ADTRP: variants seen among roughly 807,000 people sequenced by gnomAD.
ADTRP encodes androgen-dependent TFPI-regulating protein.
Under a neutral mutation model 27.0 loss-of-function variants are expected in ADTRP, and 20 were observed. That is an observed-to-expected ratio of 0.74 (90% CI 0.52 to 1.08). The LOEUF (loss-of-function observed/expected upper bound fraction) is 1.08, where lower values mean the gene tolerates loss of function less well. Among genes scored for constraint, ADTRP ranks in the 50% least tolerant of loss-of-function variants. The pLI, the probability that ADTRP is intolerant of heterozygous loss-of-function variation, is 0.00. For synonymous variants in ADTRP, 101 were observed against 105.2 expected (o/e 0.96, Z 0.25); for missense variants, 251 against 275.0 (o/e 0.91, Z 0.62).
intron 3 of ADTRP, among the ~76,000 whole-genome samples, chr6:11,739,443 A>C (rs149060369): frequency 6.6e-6 from 1 of 152,280 alleles, no homozygotes; most frequent in East Asian, 1.9e-4. Context: ...CTACTCAATT[A>C]TACCTTCCCC....
rs1177560102 is a variant in ADTRP at position 11,723,393 on chromosome 6, G to A, written c.614C>T (p.Ala205Val). 2 of 1,614,160 alleles carry A rather than the reference G, an allele frequency of 1.2e-6. No homozygotes were observed. Among genetic ancestry groups the A allele is most frequent in the Middle Eastern group, 1.6e-4 (1 of 6,062 alleles). The part of the protein sequence containing the change: ...AFFSLSYVFI[A>V]SIYLLGEKLN... ...CTTCTCTCCAAGTAGGTAGATGCTG[G>A]CGATGAAGACGTAGCTGAGAGAGAA... is the stretch of plus-strand genomic sequence containing the variant. Residue 205 changes from alanine (A) to valine (V), a missense_variant, in exon 5 of 6, where the codon GCC becomes GTC. Physicochemically the swap from Ala to Val is moderately conservative, Grantham distance 64. Transcript: ENST00000414691.
intron 3 of ADTRP, among the ~76,000 whole-genome samples, chr6:11,764,312 T>A (rs887266042): frequency 2.0e-5 from 3 of 152,144 alleles, no homozygotes; most frequent in African/African-American, 7.2e-5. Context: ...TTGAAAGAAA[T>A]CCAACTTTAC....
chr6:11,722,438 C>G (rs545057444), intron 5 of ADTRP, among the ~76,000 whole-genome samples: 1 of 152,232 alleles, frequency 6.6e-6, no homozygotes, highest in Non-Finnish European at 1.5e-5. Flanking sequence ...GAAGATGGCA[C>G]TTCTGCCATC....
At chr6:11,715,704 G>T (rs1387115341) in intron 5 of ADTRP, among the ~76,000 whole-genome samples, 1 of 142,714 alleles carries the variant, frequency 7.0e-6, no homozygotes, top group Non-Finnish European at 1.5e-5. Flanking sequence ...GGAATACGGT[G>T]GCACAATCTC....
intron 3 of ADTRP, among the ~76,000 whole-genome samples, chr6:11,750,471 A>G (rs1482767059): frequency 6.6e-6 from 1 of 152,260 alleles, no homozygotes. Flanking sequence ...AATAAACAGC[A>G]TGCACCAGGA....
In ADTRP at chr6:11,778,733, G is replaced by A; in HGVS notation, c.27C>T (p.Tyr9=). ...TATACCAGCTCAGAACAAGGAAGTG[G>A]TATATGCATGTAGAAGTCTTCGTCA... MTKTSTCI[Y]HFLVLSWYTF... Residue 9 remains tyrosine, a synonymous_variant, in exon 1 of 6, where the codon TAC becomes TAT. Transcript: ENST00000414691. 6.2e-7 allele frequency: 1 copy of A among 1,614,212 alleles called. No individual in the cohort carries two copies. The highest frequency in any genetic ancestry group is 2.2e-5 in the East Asian group (1 of 44,892).
In ADTRP at chr6:11,770,216, C is replaced by T; in HGVS notation, c.154-1833G>A. On this transcript the variant is annotated intron_variant, in intron 1 of 5. Transcript: ENST00000414691. ...ACGACCACTTCACAAACCACCGCTG[C>T]CTGGTTCCCACCCCCAGAGATTCTA... 5.0e-6 allele frequency: 4 copies of T among 805,384 alleles called. No individual in the cohort carries two copies. The South Asian group carries it at 6.4e-5, about 13-fold the overall frequency. The allele number at this position is 805,384 out of a possible 1,614,324, so 49.9% of individuals were successfully genotyped here. A position where few individuals can be genotyped will look rare whatever the true frequency, so the allele number is the denominator to read the frequency against.
chr6:11,715,737 CT>C (rs1331540647), intron 5 of ADTRP, among the ~76,000 whole-genome samples: 1 of 142,684 alleles, frequency 7.0e-6, no homozygotes, highest in Non-Finnish European at 1.5e-5. Flanking sequence ...CCTTGAGCTC[CT>C]GGGCTGAAGT....
intron 1 of ADTRP, chr6:11,770,186 A>G: frequency 9.0e-7 from 1 of 1,113,654 alleles, no homozygotes; most frequent in Non-Finnish European, 1.3e-6. Flanking sequence ...CAGGTGGGAG[A>G]ATGAACGACC....
At chr6:11,728,251 G>A (rs12175671) in intron 4 of ADTRP, 9,368 of 152,328 alleles carry the variant, frequency 0.061, 792 homozygotes, top group East Asian at 0.46. Context: ...TCAGTAATCC[G>A]GTAATCTTCC....
chr6:11,760,298 C>T (rs1433552175), intron 3 of ADTRP, among the ~76,000 whole-genome samples: 1 of 152,138 alleles, frequency 6.6e-6, no homozygotes, highest in East Asian at 1.9e-4. Flanking sequence ...CCAGCGAGTA[C>T]GAAATTGCCA....
chr6:11,765,812 T>C (rs1264747924), intron 3 of ADTRP, among the ~76,000 whole-genome samples: 1 of 152,188 alleles, frequency 6.6e-6, no homozygotes, highest in Non-Finnish European at 1.5e-5. Flanking sequence ...AATGTATTCC[T>C]AGAAATATGT....
At chr6:11,717,234 G>T (rs541485624) in intron 5 of ADTRP, 43 of 1,257,402 alleles carry the variant, frequency 3.4e-5, no homozygotes, top group Non-Finnish European at 3.7e-5. Context: ...GATTCACCCC[G>T]ACTTGTTTTA....
intron 1 of ADTRP, among the ~76,000 whole-genome samples, chr6:11,770,791 C>G (rs1024866499): frequency 1.3e-5 from 2 of 152,120 alleles, no homozygotes; most frequent in East Asian, 1.9e-4. Context: ...CTCCCTCCCC[C>G]ACCAGTAGCC....
In ADTRP at chr6:11,735,659, A is replaced by G. The variant is rs542879913; in HGVS notation, c.415T>C (p.Leu139=). ...TGAGGCCTGAGGACGACTTCAGCCAATGTGATGGGGAATATGAAAGTGTGC... is the reference window on the plus strand; with the variant it reads ...TGAGGCCTGAGGACGACTTCAGCCAGTGTGATGGGGAATATGAAAGTGTGC... ...AMHTFIFPIT[L]AEVVLRPHSY... The change falls in exon 4 of 6, where the codon TTG becomes CTG. Residue 139 remains leucine, a synonymous_variant. Transcript: ENST00000414691. 12 of 1,613,822 alleles carry G rather than the reference A, an allele frequency of 7.4e-6. No homozygotes were observed. The highest frequency in any genetic ancestry group is 2.7e-5 in the African/African-American group (2 of 75,008).
intron 5 of ADTRP, among the ~76,000 whole-genome samples, chr6:11,715,805 GCTTTTTTTT>G (rs1223129775): frequency 5.6e-4 from 50 of 89,244 alleles, no homozygotes; most frequent in African/African-American, 1.6e-3. Context: ...ACCATGCCCA[GCTTTTTTTT>G]TTTTTTTTTT....
At chr6:11,765,885 T>C (rs1763556054) in intron 3 of ADTRP, among the ~76,000 whole-genome samples, 1 of 152,190 alleles carries the variant, frequency 6.6e-6, no homozygotes, top group South Asian at 2.1e-4. Flanking sequence ...TAGCTGCTGC[T>C]CAGCTATGAG....
intron 3 of ADTRP, among the ~76,000 whole-genome samples, chr6:11,753,298 AG>A (rs1486860245): frequency 6.6e-6 from 1 of 152,214 alleles, no homozygotes; most frequent in Non-Finnish European, 1.5e-5. Flanking sequence ...AAAAATGTGA[AG>A]GGGCATTTGT....
intron 3 of ADTRP, among the ~76,000 whole-genome samples, chr6:11,757,348 CCTT>C (rs1424771407): frequency 6.6e-6 from 1 of 152,152 alleles, no homozygotes; most frequent in African/African-American, 2.4e-5. Context: ...AAGTTCAAAA[CCTT>C]CTATCAATCT....
Sources: allele counts gnomAD v4.1 joint callset (sites outside exome capture counted in the v4.1 genomes callset), GRCh38; gene constraint gnomAD v4.1.1; transcripts MANE v1.5; gene names NCBI Gene and HGNC (gene_info 2026-07-23, HGNC 2026-07-21).